DEUP1: variants seen among roughly 807,000 people sequenced by gnomAD.
The protein encoded by DEUP1 is coiled-coil domain containing 67.
In DEUP1, 82 loss-of-function variants were observed where a neutral mutation model predicts 87.4. The observed-to-expected ratio is 0.94, with a 90% CI of 0.78 to 1.13. The LOEUF (loss-of-function observed/expected upper bound fraction) is 1.13. Ranked by LOEUF, DEUP1 falls within the 50% of genes most tolerant of loss-of-function variation. The pLI is 0.00. For missense variants in DEUP1, 663 were observed against 681.5 expected, an observed-to-expected ratio of 0.97 and a Z score of 0.30; for synonymous variants, 214 against 222.7, an observed-to-expected ratio of 0.96 and a Z score of 0.35.
At chr11:93,352,245 T>G (rs887273088) in intron 2 of DEUP1, 51 of 654,462 alleles carry the variant, frequency 7.8e-5, no homozygotes, top group Non-Finnish European at 1.3e-4. Flanking sequence ...ACTACCATCA[T>G]TGAAATGGAT....
intron 2 of DEUP1, among the ~76,000 whole-genome samples, chr11:93,340,723 T>C (rs1591082428): frequency 2.0e-5 from 3 of 152,304 alleles, no homozygotes; most frequent in Admixed American, 6.5e-5. Context: ...TTATAGATCC[T>C]GGATTGGATA....
chr11:93,376,454 A>G (rs1237343179), intron 7 of DEUP1, among the ~76,000 whole-genome samples: 1 of 152,090 alleles, frequency 6.6e-6, no homozygotes, highest in East Asian at 1.9e-4. Context: ...TTTCAGTAGT[A>G]TCGGTTTGAA....
At chr11:93,351,427 G>A (rs2134199302) in intron 2 of DEUP1, among the ~76,000 whole-genome samples, 1 of 152,248 alleles carries the variant, frequency 6.6e-6, no homozygotes, top group Admixed American at 6.5e-5. Flanking sequence ...GCTCTGGTGA[G>A]ATGGTAATGA....
At chr11:93,374,004 T>C (rs1945906205) in intron 7 of DEUP1, among the ~76,000 whole-genome samples, 1 of 152,206 alleles carries the variant, frequency 6.6e-6, no homozygotes, top group Non-Finnish European at 1.5e-5. Context: ...TATTGCATTG[T>C]GGTTTTGATT....
chr11:93,374,223 C>T (rs943845522), intron 7 of DEUP1, among the ~76,000 whole-genome samples: 2 of 152,114 alleles, frequency 1.3e-5, no homozygotes, highest in African/African-American at 2.4e-5. Context: ...TTTTCTCCCA[C>T]TCTGTGGGTT....
At chr11:93,364,347 G>T (rs1347552449) in intron 5 of DEUP1, 53 bp downstream of exon 5, 3 of 1,513,400 alleles carry the variant, frequency 2.0e-6, no homozygotes, top group Non-Finnish European at 1.8e-6. Context: ...GATTCCTATT[G>T]TTGTGGGCTA....
intron 9 of DEUP1, among the ~76,000 whole-genome samples, chr11:93,390,223 G>A (rs1212792089): frequency 1.3e-5 from 2 of 152,288 alleles, no homozygotes; most frequent in East Asian, 3.9e-4. Context: ...AATACTTAGA[G>A]AATGAGTTAA....
intron 2 of DEUP1, among the ~76,000 whole-genome samples, chr11:93,351,624 A>T (rs1944633337): frequency 6.6e-6 from 1 of 152,212 alleles, no homozygotes; most frequent in African/African-American, 2.4e-5. Flanking sequence ...ATTAAATTTC[A>T]ATCTTAAAAT....
chr11:93,357,160 T>A, intron 4 of DEUP1, 117 bp downstream of exon 4: 1 of 648,518 alleles, frequency 1.5e-6, no homozygotes, highest in Non-Finnish European at 2.6e-6. Flanking sequence ...ATTTTAATTA[T>A]AAGCTTGGTC....
At chr11:93,357,154 T>C (rs1389472564) in intron 4 of DEUP1, 111 bp downstream of exon 4, 11 of 663,588 alleles carry the variant, frequency 1.7e-5, no homozygotes, top group Non-Finnish European at 2.8e-5. Flanking sequence ...TCTTGTATTT[T>C]AATTATAAGC....
At chr11:93,389,148 T>G in intron 9 of DEUP1, 23 bp downstream of exon 9, 3 of 1,316,688 alleles carry the variant, frequency 2.3e-6, no homozygotes, top group Non-Finnish European at 3.2e-6. Context: ...ATGAGCTCCA[T>G]TCTTCCAGGT....
At chr11:93,375,116 G>A (rs1217297138) in intron 7 of DEUP1, among the ~76,000 whole-genome samples, 1 of 150,578 alleles carries the variant, frequency 6.6e-6, no homozygotes, top group Non-Finnish European at 1.5e-5. Context: ...GTATAGCAGT[G>A]CCACTGATTT....
intron 7 of DEUP1, among the ~76,000 whole-genome samples, chr11:93,379,800 A>G (rs867563087): frequency 1.4e-5 from 2 of 147,206 alleles, no homozygotes; most frequent in Middle Eastern, 6.9e-3. Context: ...AGGAAAGTCC[A>G]TGTTACCTAT....
At chr11:93,378,160 A>C (rs573034955) in intron 7 of DEUP1, among the ~76,000 whole-genome samples, 1 of 152,316 alleles carries the variant, frequency 6.6e-6, no homozygotes, top group African/African-American at 2.4e-5. Context: ...ATCTCTAGCA[A>C]GGCCAGGGAA....
chr11:93,401,268 T>C (rs1221595678), intron 11 of DEUP1, among the ~76,000 whole-genome samples: 2 of 152,082 alleles, frequency 1.3e-5, no homozygotes, highest in Non-Finnish European at 2.9e-5. Flanking sequence ...AGGAAAACTA[T>C]ATATCTCTGA....
intron 13 of DEUP1, among the ~76,000 whole-genome samples, chr11:93,426,994 T>TAAAAAAAA (rs1157644297): frequency 3.4e-4 from 1 of 2,912 alleles, no homozygotes; most frequent in Non-Finnish European, 5.5e-4. Flanking sequence ...TAGAGTATAA[T>TAAAAAAAA]AAAAAAAAAA....
rs1944848871 is a variant in DEUP1, at chr11:93,355,435, A to C, written c.94A>C (p.Lys32Gln). 2.5e-6 allele frequency: 4 copies of C among 1,613,716 alleles called. No homozygotes were observed. Among genetic ancestry groups the C allele is most frequent in the Non-Finnish European group, 3.4e-6 (4 of 1,179,796 alleles). Residue 32 changes from lysine to glutamine, a missense_variant, in exon 3 of 14, where the codon AAG (lysine) becomes CAG (glutamine). Transcript: ENST00000298050. The part of the protein sequence containing the change: ...MEQIDIMVSN[K>Q]KMDWERKMRA... ...ACAAATTGACATCATGGTAAGCAAC[A>C]AGAAAATGGATTGGGAAAGAAAGAT...
At chr11:93,427,161 C>T (rs1479468216) in intron 13 of DEUP1, among the ~76,000 whole-genome samples, 8 of 150,132 alleles carry the variant, frequency 5.3e-5, no homozygotes, top group Non-Finnish European at 7.4e-5. Context: ...GAGCCCACAT[C>T]GCCAAGTCAA....
rs34737091 is a variant in DEUP1, at chr11:93,398,721, AT to A, written c.1326+2413del. The stretch of plus-strand genomic sequence containing the variant: ...GGCTTATTTGTCTTTTTCATGTCAA[AT>A]TTTTTTTTTTTTTTTTGAGATGGAG... On this transcript the variant is annotated intron_variant, in intron 11 of 13. Coordinates refer to ENST00000298050, the MANE Select transcript of DEUP1 (RefSeq NM_181645.4). Among the ~76,000 whole-genome samples, 1,322 of 137,978 alleles carry A rather than the reference AT, an allele frequency of 9.6e-3. 9 individuals carry two copies. The highest frequency in any genetic ancestry group is 0.028 in the African/African-American group (1,051 of 37,526). The allele number at this position is 137,978 out of a possible 152,430, so 90.5% of individuals were successfully genotyped here.
Sources: gnomAD v4.1 joint callset for allele counts (sites outside exome capture counted in the v4.1 genomes callset) on GRCh38, gnomAD v4.1.1 for gene constraint, MANE v1.5 for transcripts, NCBI Gene and HGNC (gene_info 2026-07-23, HGNC 2026-07-21) for gene names.